Variants in C8orf89 observed in about 807,000 individuals in gnomAD.
The protein encoded by C8orf89 is putative uncharacterized protein C8orf89.
C8orf89 carries 14 observed loss-of-function variants against 15.8 expected under a neutral mutation model. The ratio of observed to expected loss-of-function variants is 0.89; its 90% CI spans 0.59 to 1.39. The LOEUF (loss-of-function observed/expected upper bound fraction) is 1.39, where lower values mean the gene tolerates loss of function less well. Ranked by LOEUF, C8orf89 falls within the 40% of genes most tolerant of loss-of-function variation. C8orf89 has a pLI of 0.00. For synonymous variants in C8orf89, 55 were observed against 62.2 expected (o/e 0.88, Z 0.54); for missense variants, 181 against 184.5 (o/e 0.98, Z 0.11).
chr8:73,268,206 G>A, the C8orf89 span, among the ~76,000 whole-genome samples: 20 of 152,286 alleles, frequency 1.3e-4, no homozygotes, highest in Admixed American at 7.8e-4. Context: ...CAGGCTGGGC[G>A]CGGTGCCTCA....
At chr8:73,261,367 G>A (rs1813526606), upstream of C8orf89, among the ~76,000 whole-genome samples, 1 of 152,090 alleles carries the variant, frequency 6.6e-6, no homozygotes, top group Non-Finnish European at 1.5e-5. Flanking sequence ...GAGGGAAGGG[G>A]AAAAACAAGA....
chr8:73,283,238 C>T, the C8orf89 span, among the ~76,000 whole-genome samples: 2 of 152,126 alleles, frequency 1.3e-5, no homozygotes, highest in African/African-American at 4.8e-5. Context: ...GGACCATGTC[C>T]AATTGTGCAA....
At chr8:73,268,969 A>G in the C8orf89 span, among the ~76,000 whole-genome samples, 1 of 152,244 alleles carries the variant, frequency 6.6e-6, no homozygotes, top group Non-Finnish European at 1.5e-5. Flanking sequence ...CTTTAAGGTC[A>G]CTTTCCAGAA....
the C8orf89 span, among the ~76,000 whole-genome samples, chr8:73,280,732 CATAT>C: frequency 6.0e-5 from 9 of 150,004 alleles, no homozygotes; most frequent in South Asian, 1.7e-3. Flanking sequence ...TATATATACA[CATAT>C]ATATATACAC....
upstream of C8orf89, among the ~76,000 whole-genome samples, chr8:73,262,277 A>G (rs547773893): frequency 4.2e-4 from 64 of 152,270 alleles, no homozygotes; most frequent in African/African-American, 1.5e-3. Context: ...AGAAGAGGCC[A>G]TCAGGGACTA....
At chr8:73,264,464 G>C (rs895339890), upstream of C8orf89, among the ~76,000 whole-genome samples, 1 of 152,176 alleles carries the variant, frequency 6.6e-6, no homozygotes, top group Non-Finnish European at 1.5e-5. Flanking sequence ...GCTTCAGACT[G>C]GGTGGCTAAG....
chr8:73,249,528 C>T (rs1417027959), intron 3 of C8orf89, among the ~76,000 whole-genome samples: 1 of 152,024 alleles, frequency 6.6e-6, no homozygotes, highest in Non-Finnish European at 1.5e-5. Flanking sequence ...TAGAATTCAG[C>T]TGTGAATCTG....
chr8:73,276,968 G>A, the C8orf89 span, among the ~76,000 whole-genome samples: 5 of 151,660 alleles, frequency 3.3e-5, no homozygotes, highest in African/African-American at 1.2e-4. Flanking sequence ...CACCATGCCC[G>A]GCTGATTTTT....
Position 73,248,573 on chromosome 8 carries a change from C to T in C8orf89, c.337+1695G>A, listed in dbSNP as rs549483351. Among the ~76,000 whole-genome samples, 12 of 152,234 alleles carry T rather than the reference C, an allele frequency of 7.9e-5. No homozygotes were observed. In the South Asian group the frequency reaches 2.3e-3, roughly 29 times the overall value. ...TATATTGAGTCTTCCTATCCATGAA[C>T]ATGGAATGTTTTTCTACTTGTTTGT... is the stretch of plus-strand genomic sequence containing the variant. On this transcript the variant is annotated intron_variant, in intron 3 of 3. Coordinates refer to ENST00000624510, the MANE Select transcript of C8orf89 (RefSeq NM_001243237.3).
chr8:73,259,530 A>G lies in C8orf89; in HGVS notation c.-72T>C, dbSNP rs1313199359. ...AGACAGGACACAAAATACAAAAAAA[A>G]CAAGGCACGTCCGAGACAAGGCAAA... On this transcript the variant is annotated 5_prime_UTR_variant, in exon 1 of 4. Coordinates refer to ENST00000624510, the MANE Select transcript of C8orf89 (RefSeq NM_001243237.3). The G allele has an allele frequency of 8.7e-7, 1 of 1,152,430 alleles. No individual in the cohort carries two copies. The highest frequency in any genetic ancestry group is 1.1e-6 in the Non-Finnish European group (1 of 872,256). The allele number at this position is 1,152,430 out of a possible 1,614,324, so 71.4% of individuals were successfully genotyped here.
At chr8:73,254,778 C>A (rs1813332488) in intron 2 of C8orf89, among the ~76,000 whole-genome samples, 1 of 152,102 alleles carries the variant, frequency 6.6e-6, no homozygotes, top group Admixed American at 6.6e-5. Flanking sequence ...AGATACAGAC[C>A]AATGGAACAG....
the C8orf89 span, among the ~76,000 whole-genome samples, chr8:73,266,738 T>G: frequency 6.6e-6 from 1 of 151,936 alleles, no homozygotes; most frequent in South Asian, 2.1e-4. Context: ...CATGAAAAAA[T>G]GTTTCCTAGC....
upstream of C8orf89, among the ~76,000 whole-genome samples, chr8:73,264,373 T>C (rs1466056236): frequency 6.6e-6 from 1 of 152,092 alleles, no homozygotes; most frequent in Non-Finnish European, 1.5e-5. Context: ...ACAAATACAT[T>C]TTAGTGAGCA....
chr8:73,241,470 A>C lies in C8orf89; in HGVS notation c.473T>G (p.Leu158Arg), dbSNP rs904926595. The change falls in exon 4 of 4, where the codon CTC becomes CGC. Residue 158 changes from leucine to arginine, a missense_variant. Physicochemically the swap from Leu to Arg is moderately radical, Grantham distance 102. Coordinates refer to ENST00000624510, the MANE Select transcript of C8orf89 (RefSeq NM_001243237.3). ...TKSKKSKKRDLRDR is the reference protein window; with the variant it reads ...TKSKKSKKRDRRDR ...GTACGACATTTTTCAGCGGTCTCGG[A>C]GGTCTCGTTTCTTGCTTTTTTTTGA... 2 of 1,528,488 alleles carry C rather than the reference A, an allele frequency of 1.3e-6. No homozygotes were observed. Among genetic ancestry groups the C allele is most frequent in the Admixed American group, 2.0e-5 (1 of 50,576 alleles). The allele number at this position is 1,528,488 out of a possible 1,614,324, so 94.7% of individuals were successfully genotyped here. A position where few individuals can be genotyped will look rare whatever the true frequency, so the allele number is the denominator to read the frequency against.
the C8orf89 span, among the ~76,000 whole-genome samples, chr8:73,285,704 GCAGCGGGCA>G: frequency 3.9e-5 from 6 of 152,216 alleles, no homozygotes; most frequent in South Asian, 1.2e-3. Context: ...GGTGGCTGGG[GCAGCGGGCA>G]CAGCGGGCAG....
intron 3 of C8orf89, among the ~76,000 whole-genome samples, chr8:73,245,124 C>T (rs999123564): frequency 2.6e-5 from 4 of 152,166 alleles, no homozygotes; most frequent in Non-Finnish European, 5.9e-5. Flanking sequence ...CATCAGATCT[C>T]GTGAGACTTA....
the C8orf89 span, among the ~76,000 whole-genome samples, chr8:73,269,526 T>C: frequency 6.6e-6 from 1 of 152,246 alleles, no homozygotes; most frequent in Admixed American, 6.5e-5. Context: ...CAATGGCAGA[T>C]GCACAGTGTT....
At chr8:73,277,692 C>T in the C8orf89 span, 2 of 752,702 alleles carry the variant, frequency 2.7e-6, no homozygotes, top group African/African-American at 3.4e-5. Flanking sequence ...TCACTTCATT[C>T]CTGATGTGCT....
At chr8:73,260,540 AAAAG>A (rs1390638904), upstream of C8orf89, among the ~76,000 whole-genome samples, 3 of 152,252 alleles carry the variant, frequency 2.0e-5, no homozygotes, top group Admixed American at 6.5e-5. Flanking sequence ...TATAATAAAA[AAAAG>A]AAAGAAAGAA....
Sources: gnomAD v4.1 joint callset for allele counts (sites outside exome capture counted in the v4.1 genomes callset) on GRCh38, gnomAD v4.1.1 for gene constraint, MANE v1.5 for transcripts, NCBI Gene and HGNC (gene_info 2026-07-23, HGNC 2026-07-21) for gene names.